The following ITPR1 variants were observed in gnomAD, a reference collection of about 807,000 sequenced individuals.
ITPR1 encodes inositol 1,4,5-trisphosphate-gated calcium channel ITPR1.
Under a neutral mutation model 318.4 loss-of-function variants are expected in ITPR1, and 96 were observed. The ratio of observed to expected loss-of-function variants is 0.30; its 90% CI spans 0.26 to 0.36. The LOEUF (loss-of-function observed/expected upper bound fraction) is 0.36. Ranked by LOEUF, ITPR1 falls within the 10% of genes least tolerant of loss-of-function variation. The probability of loss-of-function intolerance (pLI) is 1.00; values close to 1 mark genes in which losing one functional copy is unlikely to be tolerated. For synonymous variants in ITPR1, 1,312 were observed against 1,289.9 expected (o/e 1.02, Z -0.37); for missense variants, 2,440 against 3,460.2 (o/e 0.71, Z 7.40).
intron 4 of ITPR1, chr3:4,596,283 G>A (rs2090811076): frequency 6.6e-6 from 1 of 151,938 alleles, no homozygotes; most frequent in Admixed American, 6.6e-5. Context: ...AAAAGCCAAG[G>A]CTTTTTACCA....
intron 4 of ITPR1, among the ~76,000 whole-genome samples, chr3:4,530,785 A>G (rs928288226): frequency 1.3e-5 from 2 of 151,754 alleles, no homozygotes; most frequent in Non-Finnish European, 2.9e-5. Flanking sequence ...AACAACAACA[A>G]CAACAACAAC....
chr3:4,502,446 C>CT (rs889373862), intron 2 of ITPR1, among the ~76,000 whole-genome samples: 2,926 of 145,686 alleles, frequency 0.02, 82 homozygotes, highest in African/African-American at 0.065. Context: ...CCCCTCTCTC[C>CT]TTTTTTTTTT....
intron 37 of ITPR1, among the ~76,000 whole-genome samples, chr3:4,708,682 G>A (rs577848835): frequency 1.3e-4 from 20 of 151,552 alleles, no homozygotes; most frequent in African/African-American, 3.4e-4. Flanking sequence ...TTCTTGGGAA[G>A]TTAAATGAAA....
chr3:4,820,415 C>T (rs144047880), intron 60 of ITPR1, among the ~76,000 whole-genome samples: 23 of 152,232 alleles, frequency 1.5e-4, no homozygotes, highest in Non-Finnish European at 2.8e-4. Flanking sequence ...CCTTACTTTC[C>T]GGTCACAGAA....
At chr3:4,692,282 C>A (rs528663282) in intron 32 of ITPR1, among the ~76,000 whole-genome samples, 1 of 151,840 alleles carries the variant, frequency 6.6e-6, no homozygotes, top group Non-Finnish European at 1.5e-5. Flanking sequence ...CATGAAGATA[C>A]GCAGATTTCA....
chr3:4,686,231 A>G (rs72995451), intron 30 of ITPR1, among the ~76,000 whole-genome samples: 16,845 of 152,114 alleles, frequency 0.11, 1,259 homozygotes, highest in Non-Finnish European at 0.16. Flanking sequence ...TGCCTTCCCT[A>G]TGCCTGTCGC....
Position 4,521,022 on chromosome 3 carries a change from A to G in ITPR1, c.93-2A>G, listed in dbSNP as rs1297222741. 1 of 1,611,388 alleles carries G rather than the reference A, an allele frequency of 6.2e-7. No individual in the cohort carries two copies. The highest frequency in any genetic ancestry group is 1.7e-5 in the Admixed American group (1 of 59,996). On this transcript the variant is annotated splice_acceptor_variant, in intron 3 of 61. Transcript: ENST00000649015. LOFTEE classifies it high-confidence loss of function. ...CAGAGCATTTATCTGTCTTCTTTAC[A>G]GCCTGGTTGATGATCGTTGTGTTGT...
At chr3:4,716,554 A>G (rs539511866) in intron 39 of ITPR1, among the ~76,000 whole-genome samples, 1 of 152,210 alleles carries the variant, frequency 6.6e-6, no homozygotes, top group Non-Finnish European at 1.5e-5. Flanking sequence ...CATTTCATAC[A>G]AATTGTCAGT....
chr3:4,551,122 G>A (rs888712831), intron 4 of ITPR1, among the ~76,000 whole-genome samples: 2 of 152,146 alleles, frequency 1.3e-5, no homozygotes, highest in Non-Finnish European at 2.9e-5. Flanking sequence ...TACCAGCTGC[G>A]GCATCTCATA....
intron 60 of ITPR1, chr3:4,831,140 C>CACACACACACAA (rs2050474354): frequency 7.2e-4 from 270 of 376,494 alleles, no homozygotes; most frequent in South Asian, 5.2e-3. Context: ...CTCACACACA[C>CACACACACACAA]ACACACACAC....
intron 4 of ITPR1, among the ~76,000 whole-genome samples, chr3:4,545,543 AC>A (rs1206045829): frequency 6.8e-6 from 1 of 146,718 alleles, no homozygotes; most frequent in Non-Finnish European, 1.5e-5. Flanking sequence ...GGATCTCTGG[AC>A]CCTAGGAGAC....
At chr3:4,777,225 C>A in intron 47 of ITPR1, 39 bp from the exon 48 acceptor site, 2 of 1,253,310 alleles carry the variant, frequency 1.6e-6, no homozygotes, top group South Asian at 1.3e-5. Context: ...TGATTTATGA[C>A]CAGCGTTTGT....
chr3:4,564,495 T>G (rs922119238), intron 4 of ITPR1, among the ~76,000 whole-genome samples: 1 of 152,224 alleles, frequency 6.6e-6, no homozygotes, highest in African/African-American at 2.4e-5. Flanking sequence ...AATGAACGAA[T>G]TACCAAATGA....
intron 61 of ITPR1, among the ~76,000 whole-genome samples, chr3:4,842,734 G>A (rs2051444660): frequency 6.6e-6 from 1 of 152,138 alleles, no homozygotes; most frequent in African/African-American, 2.4e-5. Flanking sequence ...TTAGAATTTT[G>A]AATACAGTTA....
intron 26 of ITPR1, among the ~76,000 whole-genome samples, chr3:4,681,635 G>A (rs1254752817): frequency 8.6e-5 from 13 of 151,332 alleles, no homozygotes; most frequent in Middle Eastern, 3.2e-3. Flanking sequence ...GTGTGTGTGT[G>A]TGTGTGTGTG....
intron 6 of ITPR1, among the ~76,000 whole-genome samples, chr3:4,640,003 G>A (rs1201003698): frequency 1.3e-5 from 2 of 152,030 alleles, no homozygotes; most frequent in African/African-American, 2.4e-5. Flanking sequence ...CTTTAAATTT[G>A]CCGTGGAGAT....
intron 15 of ITPR1, among the ~76,000 whole-genome samples, chr3:4,662,612 C>T (rs11721069): frequency 0.18 from 28,043 of 152,004 alleles, 3,302 homozygotes; most frequent in Non-Finnish European, 0.27. Flanking sequence ...AATCCCAGCT[C>T]CTCAGGAAGC....
intron 55 of ITPR1, 89 bp from the exon 56 acceptor site, chr3:4,811,176 A>G: frequency 1.1e-6 from 1 of 892,796 alleles, no homozygotes; most frequent in Non-Finnish European, 1.6e-6. Context: ...TAAGAGGGCA[A>G]ACTCTCTATA....
chr3:4,597,543 G>C (rs1327527247), intron 4 of ITPR1, among the ~76,000 whole-genome samples: 1 of 152,172 alleles, frequency 6.6e-6, no homozygotes, highest in Admixed American at 6.5e-5. Flanking sequence ...CCAAGTTGGA[G>C]AGATGACTTC....
Sources: gnomAD v4.1 joint callset for allele counts (sites outside exome capture counted in the v4.1 genomes callset) on GRCh38, gnomAD v4.1.1 for gene constraint, MANE v1.5 for transcripts, NCBI Gene and HGNC (gene_info 2026-07-23, HGNC 2026-07-21) for gene names.